FMN1: variants seen among roughly 807,000 people sequenced by gnomAD.
The protein encoded by FMN1 is formin 1, also known as formin-1.
In FMN1, 110 loss-of-function variants were observed where a neutral mutation model predicts 132.4. The ratio of observed to expected loss-of-function variants is 0.83; its 90% CI spans 0.71 to 0.97. FMN1 has a LOEUF of 0.97. Among genes scored for constraint, FMN1 ranks in the 50% least tolerant of loss-of-function variants. FMN1 has a pLI of 0.00. For missense variants in FMN1, 1,792 were observed against 1,705.3 expected (o/e 1.05, Z -0.90); for synonymous variants, 722 against 651.7 (o/e 1.11, Z -1.64).
chr15:32,855,095 A>G (rs2059097046), intron 17 of FMN1, among the ~76,000 whole-genome samples: 1 of 150,876 alleles, frequency 6.6e-6, no homozygotes, highest in East Asian at 1.9e-4. Flanking sequence ...ATACACATTA[A>G]AAGGTGAACT....
chr15:32,918,733 T>G (rs1380997270), intron 10 of FMN1, among the ~76,000 whole-genome samples: 2 of 152,206 alleles, frequency 1.3e-5, no homozygotes, highest in Non-Finnish European at 2.9e-5. Flanking sequence ...AAGCTGCTTC[T>G]GTTCGTCCAT....
chr15:32,937,769 A>G (rs2140423167), intron 9 of FMN1, among the ~76,000 whole-genome samples: 1 of 152,384 alleles, frequency 6.6e-6, no homozygotes, highest in South Asian at 2.1e-4. Flanking sequence ...TAATTGGAGG[A>G]CAGTACCAAA....
intron 15 of FMN1, among the ~76,000 whole-genome samples, chr15:32,891,615 G>A (rs1311044191): frequency 1.3e-5 from 2 of 152,102 alleles, no homozygotes; most frequent in South Asian, 2.1e-4. Flanking sequence ...ATTGCTTTGG[G>A]CAGTATGGTC....
chr15:32,792,106 C>A (rs1254378111), intron 19 of FMN1, among the ~76,000 whole-genome samples: 15 of 151,826 alleles, frequency 9.9e-5, no homozygotes, highest in Admixed American at 8.5e-4. Flanking sequence ...TAGTCACCTT[C>A]GCAGAGAGAC....
At chr15:33,139,841 T>C (rs1474535273) in intron 4 of FMN1, among the ~76,000 whole-genome samples, 1 of 152,134 alleles carries the variant, frequency 6.6e-6, no homozygotes, top group Non-Finnish European at 1.5e-5. Flanking sequence ...CTTTTCATCT[T>C]TACTATTTAA....
chr15:33,000,167 T>G (rs1460334649), intron 7 of FMN1, among the ~76,000 whole-genome samples: 3 of 152,118 alleles, frequency 2.0e-5, no homozygotes, highest in Non-Finnish European at 4.4e-5. Flanking sequence ...CGGGAGGCAG[T>G]GGCTGGACGT....
chr15:33,106,872 GA>G (rs1328408498), intron 4 of FMN1, among the ~76,000 whole-genome samples: 1 of 151,998 alleles, frequency 6.6e-6, no homozygotes, highest in African/African-American at 2.4e-5. Flanking sequence ...GATATGTGCA[GA>G]ATCTTCTCTG....
intron 16 of FMN1, among the ~76,000 whole-genome samples, chr15:32,865,324 G>A (rs2059367227): frequency 6.6e-6 from 1 of 152,070 alleles, no homozygotes; most frequent in Non-Finnish European, 1.5e-5. Context: ...GCCTTAAACT[G>A]GAACTATAAT....
intron 9 of FMN1, among the ~76,000 whole-genome samples, chr15:32,958,913 G>A (rs1043859750): frequency 3.3e-5 from 5 of 151,924 alleles, no homozygotes; most frequent in Admixed American, 3.3e-4. Flanking sequence ...GTGATGGTGG[G>A]TGCCTGTAAT....
chr15:32,979,019 G>T lies in FMN1; in HGVS notation c.2224-9542C>A, dbSNP rs548367785. Reference sequence around the variant, plus strand: ...ATGAAACTTATACATAAGACTCTAGGAGTACTGACTAGAAAAATAGTTCCC... The same window carrying T: ...ATGAAACTTATACATAAGACTCTAGTAGTACTGACTAGAAAAATAGTTCCC... On this transcript the variant is annotated intron_variant, in intron 7 of 20. Coordinates refer to ENST00000616417, the MANE Select transcript of FMN1 (RefSeq NM_001277313.2). Among the ~76,000 whole-genome samples, 11 of 152,250 alleles carry T rather than the reference G, an allele frequency of 7.2e-5. No individual in the cohort carries two copies. In the East Asian group the frequency reaches 2.1e-3, roughly 29 times the overall value.
intron 7 of FMN1, among the ~76,000 whole-genome samples, chr15:32,988,242 T>C (rs1027069529): frequency 9.2e-5 from 14 of 152,056 alleles, no homozygotes; most frequent in African/African-American, 2.4e-4. Context: ...AGCTCCTATT[T>C]GTAAACCCTC....
intron 9 of FMN1, among the ~76,000 whole-genome samples, chr15:32,938,096 CTTT>C (rs751245089): frequency 1.3e-5 from 2 of 149,056 alleles, no homozygotes; most frequent in Non-Finnish European, 3.0e-5. Flanking sequence ...TTTTGTTGCA[CTTT>C]TTTTTTTCAC....
chr15:33,062,193 C>G (rs938225481), intron 6 of FMN1, among the ~76,000 whole-genome samples: 1 of 152,072 alleles, frequency 6.6e-6, no homozygotes, highest in Non-Finnish European at 1.5e-5. Context: ...GGCATATACT[C>G]TTATGTATAG....
At chr15:32,970,492 C>G (rs763883373) in intron 7 of FMN1, among the ~76,000 whole-genome samples, 1 of 152,172 alleles carries the variant, frequency 6.6e-6, no homozygotes, top group Non-Finnish European at 1.5e-5. Context: ...ACCTCAGCAG[C>G]AATGGATGGA....
In FMN1 at chr15:33,066,567, C is replaced by A. The variant is rs201555719; in HGVS notation, c.2044-1493G>T. The A allele has an allele frequency of 1.2e-4, 194 of 1,610,796 alleles. No homozygotes were observed. In the African/African-American group the frequency reaches 2.4e-3, roughly 20 times the overall value. The stretch of plus-strand genomic sequence containing the variant: ...TTAGAATTGGACCGTTCAAACACAG[C>A]TCTTAGCGACTCCTTCTCATGTCTC... On this transcript the variant is annotated intron_variant, in intron 5 of 20. Transcript: ENST00000616417.
At chr15:33,078,675 C>A (rs1474338589) in intron 5 of FMN1, among the ~76,000 whole-genome samples, 7 of 150,414 alleles carry the variant, frequency 4.7e-5, no homozygotes, top group Admixed American at 2.6e-4. Flanking sequence ...GCCATAAAAA[C>A]CAGAACTTTA....
At chr15:32,785,533 C>A (rs2056848144) in intron 19 of FMN1, among the ~76,000 whole-genome samples, 2 of 151,958 alleles carry the variant, frequency 1.3e-5, no homozygotes, top group Middle Eastern at 6.8e-3. Context: ...CTTTTAAACA[C>A]CTATGGGTGA....
chr15:32,982,462 T>C (rs770663679), intron 7 of FMN1, among the ~76,000 whole-genome samples: 2 of 152,224 alleles, frequency 1.3e-5, no homozygotes, highest in African/African-American at 4.8e-5. Context: ...AAAATCCATA[T>C]ACTAATGTTT....
intron 10 of FMN1, among the ~76,000 whole-genome samples, chr15:32,917,025 G>A (rs959004180): frequency 3.9e-5 from 6 of 152,134 alleles, no homozygotes; most frequent in Non-Finnish European, 7.3e-5. Flanking sequence ...AGAGGCAGTA[G>A]TACAATCTGA....
Sources: gnomAD v4.1 joint callset for allele counts (sites outside exome capture counted in the v4.1 genomes callset) on GRCh38, gnomAD v4.1.1 for gene constraint, MANE v1.5 for transcripts, NCBI Gene and HGNC (gene_info 2026-07-23, HGNC 2026-07-21) for gene names.